MLF1: variants seen among roughly 807,000 people sequenced by gnomAD.
The protein encoded by MLF1 is myelodysplasia-myeloid leukemia factor 1.
Under a neutral mutation model 38.3 loss-of-function variants are expected in MLF1, and 37 were observed. That is an observed-to-expected ratio of 0.96 (90% CI 0.74 to 1.27). The LOEUF (loss-of-function observed/expected upper bound fraction) is 1.27. Among genes scored for constraint, MLF1 ranks in the 50% most tolerant of loss-of-function variants. The pLI is 0.00. For synonymous variants in MLF1, 95 were observed against 106.5 expected, an observed-to-expected ratio of 0.89 and a Z score of 0.66; for missense variants, 331 against 349.2, an observed-to-expected ratio of 0.95 and a Z score of 0.42.
Position 158,606,099 on chromosome 3 carries a change from GT to G in MLF1, c.*902del. The G allele has an allele frequency of 5.5e-6, 1 of 180,960 alleles. No individual in the cohort carries two copies. 11.2% of individuals were successfully genotyped at this position (180,960 alleles called of 1,614,324 possible). A position where few individuals can be genotyped will look rare whatever the true frequency, so the allele number is the denominator to read the frequency against. On this transcript the variant is annotated 3_prime_UTR_variant, in exon 8 of 8. Transcript: ENST00000466246. ...AAAATCTGTTAGACAGCTGATGGGTGTTTTTGAGCAACGTCTTAATAATTCA... is the reference window on the plus strand; with the variant it reads ...AAAATCTGTTAGACAGCTGATGGGTGTTTTGAGCAACGTCTTAATAATTCA...
intron 1 of MLF1, 177 bp downstream of exon 1, chr3:158,571,524 G>C: frequency 2.8e-6 from 2 of 725,570 alleles, no homozygotes. Context: ...GAGGATTTAG[G>C]GGTGTGTGAG....
Position 158,574,523 on chromosome 3 carries a change from A to AAAAAAAAAAAAAC in MLF1, c.47+3180_47+3181insAAAAAAAACAAAA, listed in dbSNP as rs1553830589. Among the ~76,000 whole-genome samples, 3 of 115,754 alleles carry AAAAAAAAAAAAAC rather than the reference A, an allele frequency of 2.6e-5. 1 individual carries two copies. Among genetic ancestry groups the AAAAAAAAAAAAAC allele is most frequent in the African/African-American group, 8.8e-5 (3 of 33,984 alleles). 75.9% of individuals were successfully genotyped at this position (115,754 alleles called of 152,430 possible). On this transcript the variant is annotated intron_variant, in intron 1 of 7. Transcript: ENST00000466246. ...TCTGTACTAAAAAAAAAAAAAAAAA[A>AAAAAAAAAAAAAC]AAAATACAAAATTAGCCAGGCATGG...
At chr3:158,571,481 C>T (rs1432878826) in intron 1 of MLF1, 134 bp downstream of exon 1, 3 of 1,081,170 alleles carry the variant, frequency 2.8e-6, no homozygotes, top group Admixed American at 2.0e-5. Flanking sequence ...TTGAAGGAGA[C>T]GAGGATTTGG....
At chr3:158,571,908 A>G (rs1344723060) in intron 1 of MLF1, among the ~76,000 whole-genome samples, 2 of 11,578 alleles carry the variant, frequency 1.7e-4, no homozygotes, top group African/African-American at 4.7e-4. Flanking sequence ...GAAGGGTTTG[A>G]AAGCGTGAGG....
chr3:158,592,444 C>T lies in MLF1; in HGVS notation c.58C>T (p.Leu20Phe), dbSNP rs1261719177. 2 of 1,607,216 alleles carry T rather than the reference C, an allele frequency of 1.2e-6. No individual in the cohort carries two copies. The highest frequency in any genetic ancestry group is 1.1e-5 in the South Asian group (1 of 90,324). Residue 20 changes from leucine to phenylalanine, a missense_variant, in exon 2 of 8, where the codon CTT (leucine) becomes TTT (phenylalanine). Transcript: ENST00000466246. ...EDDPFFSESI[L>F]AHRENMRQMI... ...GTATATTTTCAACAGTGAGTCCATT[C>T]TTGCACACCGAGAAAATATGCGACA...
At chr3:158,573,076 G>A (rs1714800618) in intron 1 of MLF1, among the ~76,000 whole-genome samples, 1 of 151,606 alleles carries the variant, frequency 6.6e-6, no homozygotes, top group Non-Finnish European at 1.5e-5. Context: ...AATGGGAGCA[G>A]GGAATATTTT....
At chr3:158,598,903 A>G (rs1326655248) in intron 5 of MLF1, among the ~76,000 whole-genome samples, 1 of 152,170 alleles carries the variant, frequency 6.6e-6, no homozygotes, top group Non-Finnish European at 1.5e-5. Context: ...AGATTTCCCA[A>G]CATTACATAA....
intron 1 of MLF1, among the ~76,000 whole-genome samples, chr3:158,577,284 A>G (rs1715613276): frequency 6.6e-6 from 1 of 152,206 alleles, no homozygotes; most frequent in Non-Finnish European, 1.5e-5. Flanking sequence ...AAACATTCTC[A>G]TTGAAGGAAA....
At position 158,598,086 on chromosome 3, in the gene MLF1, C is replaced by T. The variant is rs1291191516; in HGVS notation, c.331C>T (p.Leu111Phe). The T allele has an allele frequency of 6.2e-7, 1 of 1,612,754 alleles. No homozygotes were observed. Among genetic ancestry groups the T allele is most frequent in the African/African-American group, 1.3e-5 (1 of 74,858 alleles). Residue 111 changes from leucine to phenylalanine, a missense_variant, in exon 5 of 8, where the codon CTT becomes TTT. Leu to Phe is a conservative substitution (Grantham distance 22). Transcript: ENST00000466246. ...MQKLERNFGQLSVDPNGHSFC... is the reference protein window; with the variant it reads ...MQKLERNFGQFSVDPNGHSFC... The stretch of plus-strand genomic sequence containing the variant: ...ACAATTTGTTTACCTGTAGGGTCAA[C>T]TTTCAGTGGATCCAAATGGACATTC...
Position 158,596,911 on chromosome 3 carries a change from T to C in MLF1, c.290T>C (p.Met97Thr). 2.5e-6 allele frequency: 4 copies of C among 1,609,534 alleles called. No individual in the cohort carries two copies. The highest frequency in any genetic ancestry group is 2.5e-6 in the Non-Finnish European group (3 of 1,177,078). The change falls in exon 4 of 8, where the codon ATG becomes ACG. Residue 97 changes from methionine to threonine, a missense_variant. Transcript: ENST00000466246. ...ACAATGGACCAAATGGTGTCAAATA[T>C]GAGAAACTATATGCAGAAATTAGAA... ...FQTMDQMVSN[M>T]RNYMQKLERN... is the part of the protein sequence containing the mutation.
At position 158,600,100 on chromosome 3, in the gene MLF1, T is replaced by C. The variant is rs142693175; in HGVS notation, c.540T>C (p.His180=). 1.9e-5 allele frequency: 28 copies of C among 1,487,558 alleles called. No homozygotes were observed. The highest frequency in any genetic ancestry group is 2.3e-5 in the Non-Finnish European group (26 of 1,111,434). The allele number at this position is 1,487,558 out of a possible 1,614,324, so 92.1% of individuals were successfully genotyped here. ...AIGHHIHDRA[H]VIKKSKNKKT... Reference sequence around the variant, plus strand: ...GTCATCATATCCATGACCGAGCTCATGTCATTAAAAAGTCAAAGAACAAGA... The same window carrying C: ...GTCATCATATCCATGACCGAGCTCACGTCATTAAAAAGTCAAAGAACAAGA... Residue 180 remains histidine (H), a synonymous_variant, in exon 6 of 8, where the codon CAT becomes CAC. Coordinates refer to ENST00000466246, the MANE Select transcript of MLF1 (RefSeq NM_001369783.1).
intron 7 of MLF1, among the ~76,000 whole-genome samples, chr3:158,604,629 C>T (rs1262890911): frequency 6.6e-6 from 1 of 151,974 alleles, no homozygotes; most frequent in Non-Finnish European, 1.5e-5. Context: ...AAATAGTCTG[C>T]CTTATTTTCT....
intron 1 of MLF1, among the ~76,000 whole-genome samples, chr3:158,578,905 A>G (rs1230128360): frequency 1.3e-5 from 2 of 152,162 alleles, no homozygotes; most frequent in Non-Finnish European, 2.9e-5. Flanking sequence ...TTATTTTCCA[A>G]AATTCGGACC....
intron 1 of MLF1, among the ~76,000 whole-genome samples, chr3:158,580,196 A>T (rs1304202126): frequency 2.0e-5 from 3 of 151,950 alleles, no homozygotes; most frequent in African/African-American, 7.3e-5. Flanking sequence ...TGGACTTAAT[A>T]CCTAGGTGAT....
chr3:158,602,143 G>T (rs1243254700), intron 6 of MLF1, among the ~76,000 whole-genome samples: 1 of 152,110 alleles, frequency 6.6e-6, no homozygotes, highest in Non-Finnish European at 1.5e-5. Context: ...TTCTTATGCA[G>T]TAAGATAGAA....
intron 1 of MLF1, among the ~76,000 whole-genome samples, chr3:158,586,189 A>T (rs1292448806): frequency 1.3e-5 from 2 of 151,708 alleles, no homozygotes; most frequent in African/African-American, 4.8e-5. Flanking sequence ...GAAAAGAAAA[A>T]GGGCAATTTG....
At chr3:158,578,380 A>AGTGTGTGT (rs113149645) in intron 1 of MLF1, among the ~76,000 whole-genome samples, 7,599 of 149,444 alleles carry the variant, frequency 0.051, 577 homozygotes, top group African/African-American at 0.17. Flanking sequence ...AGGCAAAATA[A>AGTGTGTGT]GTGTGTGTGT....
intron 3 of MLF1, among the ~76,000 whole-genome samples, chr3:158,593,772 G>C (rs575046262): frequency 6.6e-6 from 1 of 152,298 alleles, no homozygotes; most frequent in Non-Finnish European, 1.5e-5. Context: ...TTTTTAAAAA[G>C]TACTAAACTG....
At chr3:158,597,246 T>C (rs954127220) in intron 4 of MLF1, among the ~76,000 whole-genome samples, 1 of 152,078 alleles carries the variant, frequency 6.6e-6, no homozygotes, top group African/African-American at 2.4e-5. Context: ...ATGTTAACTT[T>C]GAAAATTTTT....
Sources: allele counts gnomAD v4.1 joint callset (sites outside exome capture counted in the v4.1 genomes callset), GRCh38; gene constraint gnomAD v4.1.1; transcripts MANE v1.5; gene names NCBI Gene and HGNC (gene_info 2026-07-23, HGNC 2026-07-21).